SGCD: variants seen among roughly 807,000 people sequenced by gnomAD.
SGCD encodes sarcoglycan delta, also known as delta-sarcoglycan.
A neutral mutation model predicts 36.6 loss-of-function variants in SGCD; 18 were observed. The ratio of observed to expected loss-of-function variants is 0.49; its 90% CI spans 0.34 to 0.73. The LOEUF (loss-of-function observed/expected upper bound fraction) is 0.73, where lower values mean the gene tolerates loss of function less well. Among genes scored for constraint, SGCD ranks in the 30% least tolerant of loss-of-function variants. The probability of loss-of-function intolerance (pLI) is 0.01; values close to 1 mark genes in which losing one functional copy is unlikely to be tolerated. For synonymous variants in SGCD, 133 were observed against 130.6 expected (o/e 1.02, Z -0.12); for missense variants, 387 against 346.7 (o/e 1.12, Z -0.92).
At chr5:156,295,050 G>T (rs973686199) in intron 3 of SGCD, among the ~76,000 whole-genome samples, 4 of 152,130 alleles carry the variant, frequency 2.6e-5, no homozygotes, top group Admixed American at 2.6e-4. Flanking sequence ...GGAAAGGATT[G>T]CTATTAATTC....
intron 4 of SGCD, among the ~76,000 whole-genome samples, chr5:156,545,443 T>C (rs1344629817): frequency 2.6e-5 from 4 of 151,966 alleles, no homozygotes; most frequent in Non-Finnish European, 5.9e-5. Flanking sequence ...GGAGCAGTTT[T>C]GTGGAAGACA....
chr5:155,948,359 A>G (rs1255537416), intron 1 of SGCD, among the ~76,000 whole-genome samples: 1 of 152,126 alleles, frequency 6.6e-6, no homozygotes, highest in East Asian at 1.9e-4. Context: ...CAACATATAC[A>G]TTTTGCTTTT....
intron 3 of SGCD, among the ~76,000 whole-genome samples, chr5:156,211,064 G>A (rs928959091): frequency 6.6e-6 from 1 of 151,712 alleles, no homozygotes; most frequent in African/African-American, 2.4e-5. Context: ...GAGAAAGGGA[G>A]CATATAATAT....
the SGCD span, among the ~76,000 whole-genome samples, chr5:155,799,265 A>G: frequency 1.3e-5 from 2 of 152,216 alleles, no homozygotes; most frequent in South Asian, 2.1e-4. Flanking sequence ...TTTTATCCCA[A>G]TAATAATCAC....
chr5:156,504,392 G>GTATATATATATATATATATATATA (rs59580975), intron 3 of SGCD, among the ~76,000 whole-genome samples: 27 of 75,086 alleles, frequency 3.6e-4, no homozygotes, highest in African/African-American at 9.6e-4. Flanking sequence ...GTGTGTGTGT[G>GTATATATATATATATATATATATA]TATATATATA....
At chr5:155,795,154 C>T in the SGCD span, among the ~76,000 whole-genome samples, 14 of 152,034 alleles carry the variant, frequency 9.2e-5, no homozygotes, top group African/African-American at 2.9e-4. Context: ...GTATCACTGT[C>T]ACCTGTGCTC....
At chr5:156,243,032 G>T (rs1265399062) in intron 3 of SGCD, among the ~76,000 whole-genome samples, 1 of 152,224 alleles carries the variant, frequency 6.6e-6, no homozygotes, top group Non-Finnish European at 1.5e-5. Flanking sequence ...CACGTCTGAG[G>T]GTGGTGCATG....
At chr5:155,823,054 ATATCTCTATATC>A in the SGCD span, among the ~76,000 whole-genome samples, 5 of 142,130 alleles carry the variant, frequency 3.5e-5, no homozygotes, top group Admixed American at 7.4e-5. Flanking sequence ...CTATATCTCT[ATATCTCTATATC>A]TATCTATCTA....
the SGCD span, among the ~76,000 whole-genome samples, chr5:155,742,962 C>T: frequency 6.6e-6 from 1 of 152,160 alleles, no homozygotes; most frequent in Non-Finnish European, 1.5e-5. Context: ...TACAGATGAG[C>T]AGCCAGATGT....
At chr5:156,231,460 T>C (rs532971814) in intron 3 of SGCD, among the ~76,000 whole-genome samples, 2 of 152,156 alleles carry the variant, frequency 1.3e-5, no homozygotes, top group Non-Finnish European at 2.9e-5. Flanking sequence ...CGCTTGATCC[T>C]GGAAGGCGGA....
the SGCD span, among the ~76,000 whole-genome samples, chr5:155,754,184 G>A: frequency 6.6e-6 from 1 of 152,194 alleles, no homozygotes; most frequent in Non-Finnish European, 1.5e-5. Flanking sequence ...GACCATGAAT[G>A]CTTTTCTAAT....
intron 1 of SGCD, among the ~76,000 whole-genome samples, chr5:155,929,623 A>G (rs1440466722): frequency 1.3e-5 from 2 of 152,104 alleles, no homozygotes; most frequent in Non-Finnish European, 2.9e-5. Context: ...ATAAATCTGG[A>G]TTCTTCCGCT....
intron 1 of SGCD, among the ~76,000 whole-genome samples, chr5:155,875,449 A>G (rs985602819): frequency 3.3e-5 from 5 of 152,182 alleles, no homozygotes; most frequent in Non-Finnish European, 7.4e-5. Flanking sequence ...GATGATAGAC[A>G]TGAATACTTT....
At chr5:156,185,853 A>T (rs1219275688) in intron 3 of SGCD, among the ~76,000 whole-genome samples, 4 of 1,836 alleles carry the variant, frequency 2.2e-3, no homozygotes, top group Admixed American at 0.016. Context: ...ATATATATAG[A>T]GAGAGAGAGA....
intron 6 of SGCD, among the ~76,000 whole-genome samples, chr5:156,622,212 T>G (rs983602518): frequency 6.6e-6 from 1 of 152,046 alleles, no homozygotes; most frequent in African/African-American, 2.4e-5. Context: ...GCAGGTGGAT[T>G]ACCTGAGGTC....
rs181455486 is a variant in SGCD at position 155,962,093 on chromosome 5, A to T, written c.-282+91669A>T. On this transcript the variant is annotated intron_variant, in intron 1 of 9. Transcript: ENST00000517913. ...AAATTCCCTATATTACAGATGAGAA[A>T]CCTGAGGCTTCAAGAGGTTGTATGA... is the stretch of plus-strand genomic sequence containing the variant. Among the ~76,000 whole-genome samples the T allele has an allele frequency of 1.8e-4, 27 of 152,176 alleles. No homozygotes were observed. In the East Asian group the frequency reaches 5.2e-3, roughly 30 times the overall value.
intron 1 of SGCD, among the ~76,000 whole-genome samples, chr5:156,046,954 A>G (rs994289758): frequency 6.6e-6 from 1 of 152,190 alleles, no homozygotes; most frequent in Non-Finnish European, 1.5e-5. Context: ...AAGAAAATTA[A>G]AAGTGCTATT....
At chr5:156,341,441 A>C (rs916552637) in intron 2 of SGCD, among the ~76,000 whole-genome samples, 1 of 152,130 alleles carries the variant, frequency 6.6e-6, no homozygotes, top group Admixed American at 6.5e-5. Context: ...GTTGTCCCAA[A>C]TGCTTAGAAT....
intron 3 of SGCD, among the ~76,000 whole-genome samples, chr5:156,485,255 G>A (rs1486333409): frequency 3.3e-5 from 5 of 152,066 alleles, no homozygotes; most frequent in Non-Finnish European, 7.4e-5. Context: ...TAATTTTTCT[G>A]ACATACTCAA....
Sources: gnomAD v4.1 joint callset for allele counts (sites outside exome capture counted in the v4.1 genomes callset) on GRCh38, gnomAD v4.1.1 for gene constraint, MANE v1.5 for transcripts, NCBI Gene and HGNC (gene_info 2026-07-23, HGNC 2026-07-21) for gene names.